The following MDN1 variants were observed in gnomAD, a reference collection of about 807,000 sequenced individuals.
MDN1 encodes the protein midasin AAA ATPase 1, also known as midasin.
A neutral mutation model predicts 669.2 loss-of-function variants in MDN1; 266 were observed. The ratio of observed to expected loss-of-function variants is 0.40; its 90% CI spans 0.36 to 0.44. MDN1 has a LOEUF of 0.44. Ranked by LOEUF, MDN1 falls within the 20% of genes least tolerant of loss-of-function variation. MDN1 has a pLI of 1.00. For missense variants in MDN1, 5,940 were observed against 6,754.0 expected, an observed-to-expected ratio of 0.88 and a Z score of 4.22; for synonymous variants, 2,385 against 2,457.1, an observed-to-expected ratio of 0.97 and a Z score of 0.87.
intron 99 of MDN1, among the ~76,000 whole-genome samples, chr6:89,647,642 T>G (rs757032548): frequency 1.4e-4 from 22 of 152,190 alleles, no homozygotes; most frequent in Non-Finnish European, 3.1e-4. Flanking sequence ...GGTTTGGGAC[T>G]ATCCCTGTCC....
In MDN1 at chr6:89,787,698, A is replaced by G. The variant is rs370617069; in HGVS notation, c.1334+156T>C. Among the ~76,000 whole-genome samples the G allele has an allele frequency of 4.0e-4, 61 of 152,280 alleles. 1 individual carries two copies. In the South Asian group the frequency reaches 9.1e-3, roughly 23 times the overall value. On this transcript the variant is annotated intron_variant, in intron 8 of 101. Coordinates refer to ENST00000369393, the MANE Select transcript of MDN1 (RefSeq NM_014611.3). ...TTATTTTATAAATTATCTTCATTAA[A>G]AATAATCAGGAATGAGAAGGTTAGA...
rs993553783 is a variant in MDN1 at position 89,664,383 on chromosome 6, T to A, written c.14236+104A>T. ...TTGCACTTAAGCACAGTAACCAACT[T>A]GTTTCAAAAGATTATATTGGGTTCC... On this transcript the variant is annotated intron_variant, in intron 85 of 101. Transcript: ENST00000369393. The A allele has an allele frequency of 3.5e-6, 5 of 1,440,510 alleles. No individual in the cohort carries two copies. The African/African-American group carries it at 7.2e-5, about 21-fold the overall frequency. The allele number at this position is 1,440,510 out of a possible 1,614,324, so 89.2% of individuals were successfully genotyped here.
chr6:89,677,961 G>A (rs560618975), intron 75 of MDN1, among the ~76,000 whole-genome samples: 11 of 152,342 alleles, frequency 7.2e-5, no homozygotes, highest in African/African-American at 2.4e-4. Context: ...GGTACAGCAC[G>A]TGGTGACAGA....
At position 89,718,423 on chromosome 6, in the gene MDN1, C is replaced by T. The variant is rs768097211; in HGVS notation, c.6526G>A (p.Ala2176Thr). 1 of 1,614,136 alleles carries T rather than the reference C, an allele frequency of 6.2e-7. No individual in the cohort carries two copies. The highest frequency in any genetic ancestry group is 2.2e-5 in the East Asian group (1 of 44,882). ...ITMEIVNKLE[A>T]VLLLMQRLNN... is the part of the protein sequence containing the mutation. Reference sequence around the variant, plus strand: ...AGTCGCTGCATAAGCAATAACACTGCTTCTAGTTTGTTGACAATCTCCATC... The same window carrying T: ...AGTCGCTGCATAAGCAATAACACTGTTTCTAGTTTGTTGACAATCTCCATC... Residue 2176 changes from alanine to threonine, a missense_variant, in exon 43 of 102, where the codon GCA becomes ACA. Ala to Thr is a moderately conservative substitution (Grantham distance 58). This residue lies in a region of MDN1 where 2,292 missense variants were observed against 2,638.3 expected (regional missense o/e 0.87). Transcript: ENST00000369393.
At chr6:89,781,040 C>T (rs1481832353) in intron 10 of MDN1, among the ~76,000 whole-genome samples, 1 of 151,720 alleles carries the variant, frequency 6.6e-6, no homozygotes, top group Non-Finnish European at 1.5e-5. Flanking sequence ...ATAGCGAAAT[C>T]CAAGAAGACT....
chr6:89,785,068 C>G lies in MDN1; in HGVS notation c.1393G>C (p.Asp465His). ...AGGTGAATTTTGGTCCAATATTTGT[C>G]TAGCAAAGTAGCATGACTGTTTAGC... Reference protein sequence around the residue: ...RPLNSHATLLDKYWTKIHLDN... With the variant: ...RPLNSHATLLHKYWTKIHLDN... Residue 465 changes from aspartate to histidine, a missense_variant, in exon 9 of 102, where the codon GAC becomes CAC. Asp to His is a moderately conservative substitution (Grantham distance 81). This residue lies in a region of MDN1 where 1,203 missense variants were observed against 1,268.9 expected (regional missense o/e 0.95). Coordinates refer to ENST00000369393, the MANE Select transcript of MDN1 (RefSeq NM_014611.3). The G allele has an allele frequency of 6.2e-7, 1 of 1,614,126 alleles. No homozygotes were observed. Among genetic ancestry groups the G allele is most frequent in the East Asian group, 2.2e-5 (1 of 44,878 alleles).
chr6:89,719,138 G>A lies in MDN1; in HGVS notation c.6055C>T (p.Gln2019Ter), dbSNP rs1202027805. The change falls in exon 41 of 102, where the codon CAG (glutamine) becomes TAG (stop). Residue 2019 changes from glutamine (Q) to a stop codon, truncating the protein, a stop_gained and splice_region_variant. Coordinates refer to ENST00000369393, the MANE Select transcript of MDN1 (RefSeq NM_014611.3). LOFTEE classifies it high-confidence loss of function. ...GAGGATTATCCTAGTCTCCTTACCT[G>A]AACATCATAGGGAGTGATACGAAAT... ...RLFRITPYDVQLGYSVLSRGS... is the reference protein window; with the variant it reads ...RLFRITPYDV 1.2e-6 allele frequency: 2 copies of A among 1,612,902 alleles called. No individual in the cohort carries two copies. Among genetic ancestry groups the A allele is most frequent in the Non-Finnish European group, 1.7e-6 (2 of 1,178,978 alleles).
chr6:89,688,501 G>T, intron 66 of MDN1, 72 bp downstream of exon 66: 4 of 1,405,440 alleles, frequency 2.8e-6, no homozygotes, highest in Admixed American at 3.9e-5. Flanking sequence ...GTGCCCCCAG[G>T]GATAATGGTG....
intron 10 of MDN1, among the ~76,000 whole-genome samples, chr6:89,780,975 A>G (rs1408152045): frequency 6.6e-6 from 1 of 151,778 alleles, no homozygotes; most frequent in Admixed American, 6.6e-5. Context: ...TCTAATTCTC[A>G]CTTCTCAAAG....
chr6:89,778,379 T>C (rs956603994), intron 11 of MDN1, among the ~76,000 whole-genome samples: 1 of 152,084 alleles, frequency 6.6e-6, no homozygotes, highest in Non-Finnish European at 1.5e-5. Flanking sequence ...AAAGTCAGTT[T>C]ACAAGATGCA....
At chr6:89,819,021 G>C (rs1381380573) in intron 1 of MDN1, among the ~76,000 whole-genome samples, 2 of 152,168 alleles carry the variant, frequency 1.3e-5, no homozygotes, top group African/African-American at 2.4e-5. Flanking sequence ...TCATGGCAGA[G>C]ATCGTAACGA....
At chr6:89,665,013 T>C (rs185690625) in intron 84 of MDN1, among the ~76,000 whole-genome samples, 20 of 152,250 alleles carry the variant, frequency 1.3e-4, no homozygotes, top group Admixed American at 3.9e-4. Context: ...TTGGTTTCTA[T>C]ATTTCTTCTA....
intron 1 of MDN1, among the ~76,000 whole-genome samples, chr6:89,814,407 GAC>G: frequency 7.1e-6 from 1 of 141,440 alleles, no homozygotes; most frequent in Non-Finnish European, 1.5e-5. Flanking sequence ...TTTTGGTAGA[GAC>G]AGAGTCTCTC....
In MDN1 at chr6:89,650,272, C is replaced by T. The variant is rs987234126; in HGVS notation, c.16032-74G>A. The T allele has an allele frequency of 3.0e-5, 41 of 1,366,982 alleles. No homozygotes were observed. In the African/African-American group the frequency reaches 5.8e-4, roughly 19 times the overall value. 84.7% of individuals were successfully genotyped at this position (1,366,982 alleles called of 1,614,324 possible). A position where few individuals can be genotyped will look rare whatever the true frequency, so the allele number is the denominator to read the frequency against. On this transcript the variant is annotated intron_variant, in intron 96 of 101. Transcript: ENST00000369393. ...GAGAATTTTTATTAAGGACAAAAATCACAATAATACCTTAAAACCAATAGC... is the reference window on the plus strand; with the variant it reads ...GAGAATTTTTATTAAGGACAAAAATTACAATAATACCTTAAAACCAATAGC...
At chr6:89,806,574 C>T (rs1236650562) in intron 1 of MDN1, among the ~76,000 whole-genome samples, 1 of 151,800 alleles carries the variant, frequency 6.6e-6, no homozygotes, top group Non-Finnish European at 1.5e-5. Context: ...AAAAATTAGC[C>T]AGGTGTGCTG....
intron 69 of MDN1, among the ~76,000 whole-genome samples, chr6:89,686,303 T>C (rs558725657): frequency 6.6e-6 from 1 of 152,228 alleles, no homozygotes; most frequent in South Asian, 2.1e-4. Context: ...TGGGCACCGG[T>C]AATCCCAGCT....
At chr6:89,724,416 G>A (rs2128313946) in intron 38 of MDN1, among the ~76,000 whole-genome samples, 1 of 152,166 alleles carries the variant, frequency 6.6e-6, no homozygotes, top group Admixed American at 6.5e-5. Context: ...CTCAGTAGCT[G>A]GGATTACAGG....
chr6:89,694,458 T>C (rs1309603705), intron 61 of MDN1, among the ~76,000 whole-genome samples: 1 of 152,276 alleles, frequency 6.6e-6, no homozygotes, highest in African/African-American at 2.4e-5. Flanking sequence ...CTTCAAAATA[T>C]GTACTAACAT....
chr6:89,655,954 T>C lies in MDN1; in HGVS notation c.15300A>G (p.Lys5100=), dbSNP rs1356306141. Residue 5100 remains lysine (K), a synonymous_variant, in exon 92 of 102, where the codon AAA becomes AAG. Coordinates refer to ENST00000369393, the MANE Select transcript of MDN1 (RefSeq NM_014611.3). The part of the protein sequence containing the change: ...TRKNTQSFKR[K]PGQADNERSM... ...AACGTTCATTGTCAGCCTGCCCAGG[T>C]TTCCTCTTAAAACTCTGAGAAATAC... 6.2e-7 allele frequency: 1 copy of C among 1,613,714 alleles called. No homozygotes were observed. The highest frequency in any genetic ancestry group is 1.1e-5 in the South Asian group (1 of 91,050).
Sources: allele counts gnomAD v4.1 joint callset (sites outside exome capture counted in the v4.1 genomes callset), GRCh38; gene constraint gnomAD v4.1.1; regional missense constraint gnomAD v4.1.1; transcripts MANE v1.5; gene names NCBI Gene and HGNC (gene_info 2026-07-23, HGNC 2026-07-21).